The following SUGCT variants were observed in gnomAD, a reference collection of about 807,000 sequenced individuals.
SUGCT encodes the protein succinyl-CoA:glutarate-CoA transferase, also known as succinyl-CoA:glutarate CoA-transferase.
Under a neutral mutation model 55.0 loss-of-function variants are expected in SUGCT, and 41 were observed. That is an observed-to-expected ratio of 0.74 (90% CI 0.58 to 0.97). SUGCT has a LOEUF of 0.97. Ranked by LOEUF, SUGCT falls within the 50% of genes least tolerant of loss-of-function variation. SUGCT has a pLI of 0.00. For synonymous variants in SUGCT, 187 were observed against 200.4 expected, an observed-to-expected ratio of 0.93 and a Z score of 0.56; for missense variants, 568 against 547.8, an observed-to-expected ratio of 1.04 and a Z score of -0.37.
chr7:40,615,615 T>TG (rs1450802776), intron 12 of SUGCT, among the ~76,000 whole-genome samples: 1 of 152,228 alleles, frequency 6.6e-6, no homozygotes, highest in East Asian at 1.9e-4. Context: ...CATCTGCTGT[T>TG]CAGTGGAGAA....
chr7:40,646,614 C>T (rs7782395), intron 12 of SUGCT, among the ~76,000 whole-genome samples: 6,373 of 152,186 alleles, frequency 0.042, 439 homozygotes, highest in African/African-American at 0.15. Flanking sequence ...TTTATTTCTT[C>T]TCCCGGGCCA....
chr7:40,154,100 T>C, intron 1 of SUGCT: 1 of 234,584 alleles, frequency 4.3e-6, no homozygotes. Flanking sequence ...TTTTGAAATG[T>C]ACACCTCAAG....
intron 11 of SUGCT, among the ~76,000 whole-genome samples, chr7:40,483,285 T>A (rs1791153921): frequency 6.6e-6 from 1 of 152,160 alleles, no homozygotes; most frequent in Admixed American, 6.5e-5. Context: ...ATGTATGGAA[T>A]GCACCCCTGT....
At chr7:40,204,645 C>T (rs1026647686) in intron 6 of SUGCT, among the ~76,000 whole-genome samples, 7 of 151,864 alleles carry the variant, frequency 4.6e-5, no homozygotes, top group Non-Finnish European at 8.8e-5. Context: ...AATCTTGGAG[C>T]CAGGCACATT....
At chr7:40,251,479 C>G (rs554757666) in intron 7 of SUGCT, among the ~76,000 whole-genome samples, 19 of 152,092 alleles carry the variant, frequency 1.2e-4, no homozygotes, top group Non-Finnish European at 2.5e-4. Flanking sequence ...CACAGGAGGC[C>G]AAGCCTTGCG....
chr7:40,523,161 T>C (rs2151578897), intron 12 of SUGCT, among the ~76,000 whole-genome samples: 1 of 152,192 alleles, frequency 6.6e-6, no homozygotes, highest in Non-Finnish European at 1.5e-5. Flanking sequence ...ACCAAGAATA[T>C]TGGTGGATAT....
At chr7:40,413,448 A>G (rs1365138203) in intron 9 of SUGCT, among the ~76,000 whole-genome samples, 1 of 152,200 alleles carries the variant, frequency 6.6e-6, no homozygotes, top group East Asian at 1.9e-4. Flanking sequence ...AGATGGATTA[A>G]AGATTTAAAT....
intron 9 of SUGCT, among the ~76,000 whole-genome samples, chr7:40,441,551 A>G (rs1325582842): frequency 1.3e-5 from 2 of 152,144 alleles, no homozygotes; most frequent in Non-Finnish European, 2.9e-5. Context: ...ATTAAAAACA[A>G]TGCTATTTAA....
At chr7:40,215,167 A>G (rs1787554003) in intron 6 of SUGCT, among the ~76,000 whole-genome samples, 1 of 151,954 alleles carries the variant, frequency 6.6e-6, no homozygotes, top group Admixed American at 6.6e-5. Flanking sequence ...GTTTGAGACA[A>G]AGTCTCATTC....
At chr7:40,845,899 A>G (rs1338749113) in intron 13 of SUGCT, among the ~76,000 whole-genome samples, 1 of 152,170 alleles carries the variant, frequency 6.6e-6, no homozygotes, top group Non-Finnish European at 1.5e-5. Flanking sequence ...CGTTCAGAAA[A>G]AATTTATTAA....
chr7:40,150,373 A>G (rs1455719130), intron 1 of SUGCT, among the ~76,000 whole-genome samples: 2 of 151,554 alleles, frequency 1.3e-5, no homozygotes, highest in Non-Finnish European at 2.9e-5. Context: ...TATCCTTAAA[A>G]CCTCTGCTCG....
chr7:40,159,266 C>T (rs1424534039), intron 1 of SUGCT, among the ~76,000 whole-genome samples: 1 of 151,196 alleles, frequency 6.6e-6, no homozygotes, highest in Non-Finnish European at 1.5e-5. Flanking sequence ...GGCAGAGAGA[C>T]AATTGGAGTA....
At chr7:40,943,545 C>G in the SUGCT span, among the ~76,000 whole-genome samples, 2 of 148,684 alleles carry the variant, frequency 1.3e-5, no homozygotes, top group South Asian at 4.3e-4. Context: ...GTTTTTTGTC[C>G]TTGCGATAGT....
intron 13 of SUGCT, among the ~76,000 whole-genome samples, chr7:40,796,846 A>G (rs1790576041): frequency 6.6e-6 from 1 of 152,342 alleles, no homozygotes; most frequent in East Asian, 1.9e-4. Context: ...TGATAGCTCC[A>G]GAAATTTGGC....
At chr7:40,931,341 T>G in the SUGCT span, among the ~76,000 whole-genome samples, 1 of 152,188 alleles carries the variant, frequency 6.6e-6, no homozygotes, top group Non-Finnish European at 1.5e-5. Context: ...TTATTGAGGA[T>G]TTTCACATCA....
the SUGCT span, among the ~76,000 whole-genome samples, chr7:40,960,919 C>T: frequency 6.6e-6 from 1 of 152,148 alleles, no homozygotes; most frequent in African/African-American, 2.4e-5. Context: ...ATCACTGGTC[C>T]TGTGACAATT....
At chr7:40,539,462 C>T (rs1484536790) in intron 12 of SUGCT, 1 of 152,072 alleles carries the variant, frequency 6.6e-6, no homozygotes, top group Non-Finnish European at 1.5e-5. Context: ...TCAGAAATGA[C>T]CTCGAATTTG....
intron 8 of SUGCT, among the ~76,000 whole-genome samples, chr7:40,282,906 C>G (rs1418991008): frequency 2.6e-5 from 4 of 151,638 alleles, no homozygotes; most frequent in African/African-American, 9.7e-5. Flanking sequence ...GAGACTGAAA[C>G]ATAAGATCTA....
chr7:40,608,654 C>T (rs887223802), intron 12 of SUGCT, among the ~76,000 whole-genome samples: 1 of 152,068 alleles, frequency 6.6e-6, no homozygotes, highest in Admixed American at 6.5e-5. Context: ...TAGTGGTTTC[C>T]CTTGTGAAAA....
Sources: allele counts gnomAD v4.1 joint callset (sites outside exome capture counted in the v4.1 genomes callset), GRCh38; gene constraint gnomAD v4.1.1; transcripts MANE v1.5; gene names NCBI Gene and HGNC (gene_info 2026-07-23, HGNC 2026-07-21).